The following AR variants were observed in gnomAD, a reference collection of about 807,000 sequenced individuals.
AR encodes androgen receptor, also known as dihydrotestosterone receptor.
A neutral mutation model predicts 53.9 loss-of-function variants in AR; 8 were observed. That is an observed-to-expected ratio of 0.15 (90% CI 0.09 to 0.27). The LOEUF is 0.27. AR is among the 10% of genes least tolerant of loss of function. The pLI is 1.00. For synonymous variants in AR, 359 were observed against 316.4 expected (o/e 1.13, Z -1.43); for missense variants, 639 against 742.5 (o/e 0.86, Z 1.62).
At chrX:67,633,960 T>C (rs1309286328) in intron 1 of AR, among the ~76,000 whole-genome samples, 5 of 110,266 alleles carry the variant, frequency 4.5e-5, no homozygotes, top group Non-Finnish European at 9.4e-5. Context: ...TTTGGAGTGA[T>C]ATAATTGCTC....
chrX:67,544,192 A>C lies in AR; in HGVS notation c.-955A>C. 7.3e-6 allele frequency: 1 copy of C among 137,090 alleles called. No homozygotes were observed. Among genetic ancestry groups the C allele is most frequent in the East Asian group, 1.2e-4 (1 of 8,035 alleles). The allele number at this position is 137,090 out of a possible 1,213,427, so 11.3% of individuals were successfully genotyped here. On this transcript the variant is annotated 5_prime_UTR_variant, in exon 1 of 8. Transcript: ENST00000374690. Reference sequence around the variant, plus strand: ...CCAGCCCCAGCCCGGCTCCAGCGACAGCCAACGCCTCTTGCAGCGCGGCGG... The same window carrying C: ...CCAGCCCCAGCCCGGCTCCAGCGACCGCCAACGCCTCTTGCAGCGCGGCGG...
chrX:67,579,027 A>G (rs955617768), intron 1 of AR, among the ~76,000 whole-genome samples: 1 of 111,701 alleles, frequency 9.0e-6, no homozygotes, highest in African/African-American at 3.2e-5. Flanking sequence ...AAGCAAGCAT[A>G]CAGTCAGTAT....
At chrX:67,705,605 A>G (rs1293466932) in intron 3 of AR, among the ~76,000 whole-genome samples, 2 of 111,379 alleles carry the variant, frequency 1.8e-5, no homozygotes, top group African/African-American at 6.5e-5. Context: ...GGACAATTTG[A>G]CTTCCTCTTT....
Position 67,544,554 on chromosome X carries a change from C to T in AR, c.-593C>T, listed in dbSNP as rs1929616412. On this transcript the variant is annotated 5_prime_UTR_variant, in exon 1 of 8. Transcript: ENST00000374690. The stretch of plus-strand genomic sequence containing the variant: ...AGCTAGCTGCACATTGCAAAGAAGG[C>T]TCTTAGGAGCCAGGCGACTGGGGAG... 6.4e-6 allele frequency: 1 copy of T among 156,036 alleles called. No homozygotes were observed. The highest frequency in any genetic ancestry group is 9.2e-5 in the Admixed American group (1 of 10,832). The allele number at this position is 156,036 out of a possible 1,213,427, so 12.9% of individuals were successfully genotyped here.
At chrX:67,661,781 T>G (rs779793675) in intron 2 of AR, among the ~76,000 whole-genome samples, 3 of 111,679 alleles carry the variant, frequency 2.7e-5, no homozygotes, top group African/African-American at 9.8e-5. Flanking sequence ...AGCTCCTCCT[T>G]GTACCTCTGG....
chrX:67,681,816 T>A (rs2075935845), intron 2 of AR, among the ~76,000 whole-genome samples: 1 of 112,068 alleles, frequency 8.9e-6, no homozygotes, highest in African/African-American at 3.2e-5. Context: ...AACCAAAAAG[T>A]CTTTAAAAAT....
intron 6 of AR, 61 bp downstream of exon 6, chrX:67,722,024 T>A (rs1006063286): frequency 2.3e-5 from 27 of 1,179,224 alleles, no homozygotes; most frequent in Non-Finnish European, 3.1e-5. Flanking sequence ...AGAGGACCAC[T>A]TTTGCCATTA....
At chrX:67,646,457 A>T (rs895383933) in intron 2 of AR, among the ~76,000 whole-genome samples, 12 of 111,047 alleles carry the variant, frequency 1.1e-4, no homozygotes, top group Non-Finnish European at 7.5e-5. Flanking sequence ...CAAAGTGTGT[A>T]TGGGGAGAGA....
At chrX:67,709,934 A>G (rs773000576) in intron 3 of AR, among the ~76,000 whole-genome samples, 28 of 111,926 alleles carry the variant, frequency 2.5e-4, no homozygotes, top group African/African-American at 6.5e-4. Flanking sequence ...CCCCATTCCC[A>G]TATGATGCTT....
rs772113197 is a variant in AR at position 67,589,259 on chromosome X, G to C, written c.1616+42497G>C. Among the ~76,000 whole-genome samples the C allele has an allele frequency of 8.1e-3, 809 of 99,605 alleles. 6 individuals carry two copies. The highest frequency in any genetic ancestry group is 0.028 in the African/African-American group (758 of 26,609). The allele number at this position is 99,605 out of a possible 115,157, so 86.5% of individuals were successfully genotyped here. A position where few individuals can be genotyped will look rare whatever the true frequency, so the allele number is the denominator to read the frequency against. On this transcript the variant is annotated intron_variant, in intron 1 of 7. Transcript: ENST00000374690. The stretch of plus-strand genomic sequence containing the variant: ...CAGTCCGGCCTGGGCGACAGAGCGA[G>C]ACTCCGTCTCAAAAAAAAAAAAAAA...
chrX:67,699,978 A>T (rs1329030693), intron 3 of AR, among the ~76,000 whole-genome samples: 6 of 110,945 alleles, frequency 5.4e-5, no homozygotes, highest in East Asian at 2.9e-4. Context: ...CTGATTTGAA[A>T]TTTTTTTCTC....
At chrX:67,670,126 C>T (rs1251277622) in intron 2 of AR, among the ~76,000 whole-genome samples, 2 of 84,278 alleles carry the variant, frequency 2.4e-5, no homozygotes, top group African/African-American at 8.7e-5. Flanking sequence ...GCAGCAGCCA[C>T]CTGAGAAGTG....
intron 1 of AR, among the ~76,000 whole-genome samples, chrX:67,628,806 G>A (rs1026299548): frequency 8.1e-5 from 9 of 111,466 alleles, no homozygotes; most frequent in South Asian, 3.7e-4. Flanking sequence ...TTTAAAATAC[G>A]GCCCATCAAT....
chrX:67,610,502 A>G (rs1363978802), intron 1 of AR, among the ~76,000 whole-genome samples: 1 of 111,013 alleles, frequency 9.0e-6, no homozygotes, highest in African/African-American at 3.3e-5. Flanking sequence ...TCAGAGGGTA[A>G]CCACAGTGAC....
chrX:67,719,667 T>C (rs1208624681), intron 5 of AR, among the ~76,000 whole-genome samples: 1 of 112,028 alleles, frequency 8.9e-6, no homozygotes, highest in East Asian at 2.8e-4. Flanking sequence ...GGAAAAATAA[T>C]TTTGTCATTA....
At chrX:67,715,371 G>A (rs2076108968) in intron 4 of AR, among the ~76,000 whole-genome samples, 1 of 111,445 alleles carries the variant, frequency 9.0e-6, no homozygotes, top group Non-Finnish European at 1.9e-5. Context: ...TTACAGTGAA[G>A]GTGGGAAGCA....
chrX:67,605,508 A>G (rs1413111870), intron 1 of AR, among the ~76,000 whole-genome samples: 1 of 111,373 alleles, frequency 9.0e-6, no homozygotes, highest in African/African-American at 3.3e-5. Context: ...TTTTGCTTAG[A>G]TAGTTCCACT....
chrX:67,601,843 C>A (rs1343557577), intron 1 of AR, among the ~76,000 whole-genome samples: 3 of 111,749 alleles, frequency 2.7e-5, no homozygotes, highest in Non-Finnish European at 5.6e-5. Context: ...GTAGATAATT[C>A]AGTCCACCAC....
chrX:67,649,783 G>T (rs1926245951), intron 2 of AR, among the ~76,000 whole-genome samples: 1 of 111,971 alleles, frequency 8.9e-6, no homozygotes, highest in Non-Finnish European at 1.9e-5. Flanking sequence ...TTAGCCCTTT[G>T]TCAGATGGAT....
Sources: allele counts gnomAD v4.1 joint callset (sites outside exome capture counted in the v4.1 genomes callset), GRCh38; gene constraint gnomAD v4.1.1; transcripts MANE v1.5; gene names NCBI Gene and HGNC (gene_info 2026-07-23, HGNC 2026-07-21).